CPE: variants seen among roughly 807,000 people sequenced by gnomAD.
The protein encoded by CPE is carboxypeptidase E.
In CPE, 17 loss-of-function variants were observed where a neutral mutation model predicts 53.5. The ratio of observed to expected loss-of-function variants is 0.32; its 90% CI spans 0.22 to 0.48. The LOEUF (loss-of-function observed/expected upper bound fraction) is 0.48, where lower values mean the gene tolerates loss of function less well. CPE is among the 20% of genes least tolerant of loss of function. The probability of loss-of-function intolerance (pLI) is 0.99; values close to 1 mark genes in which losing one functional copy is unlikely to be tolerated. For missense variants in CPE, 524 were observed against 614.7 expected, an observed-to-expected ratio of 0.85 and a Z score of 1.56; for synonymous variants, 226 against 228.8, an observed-to-expected ratio of 0.99 and a Z score of 0.11.
chr4:165,497,360 T>A, intron 8 of CPE, 152 bp from the exon 9 acceptor site: 1 of 412,278 alleles, frequency 2.4e-6, no homozygotes, highest in Non-Finnish European at 4.2e-6. Flanking sequence ...CCTGAAAATA[T>A]CTTTTGTTTA....
intron 1 of CPE, among the ~76,000 whole-genome samples, chr4:165,401,741 G>T (rs550190975): frequency 1.3e-5 from 2 of 152,362 alleles, no homozygotes; most frequent in East Asian, 3.9e-4. Context: ...GAAAGATTGA[G>T]TGATGCCACA....
intron 1 of CPE, among the ~76,000 whole-genome samples, chr4:165,399,195 A>T (rs946200854): frequency 7.2e-5 from 11 of 152,134 alleles, no homozygotes; most frequent in Admixed American, 1.3e-4. Flanking sequence ...TTTACTGAGG[A>T]TGTTTAATAT....
intron 3 of CPE, among the ~76,000 whole-genome samples, chr4:165,468,990 T>C (rs1031793313): frequency 2.0e-5 from 3 of 152,212 alleles, no homozygotes; most frequent in African/African-American, 7.2e-5. Flanking sequence ...TTCAGGTTCT[T>C]CATCTGTAAT....
intron 1 of CPE, among the ~76,000 whole-genome samples, chr4:165,455,272 G>A (rs532175555): frequency 2.6e-5 from 4 of 152,186 alleles, no homozygotes; most frequent in East Asian, 1.9e-4. Flanking sequence ...GTGTCACTTC[G>A]TTTACCTCTG....
At chr4:165,478,151 T>A (rs1183481204) in intron 3 of CPE, among the ~76,000 whole-genome samples, 1 of 152,318 alleles carries the variant, frequency 6.6e-6, no homozygotes, top group Non-Finnish European at 1.5e-5. Flanking sequence ...ACCAAAGACA[T>A]CTAATTATAG....
chr4:165,434,997 T>C (rs76694765), intron 1 of CPE, among the ~76,000 whole-genome samples: 5,975 of 152,210 alleles, frequency 0.039, 387 homozygotes, highest in African/African-American at 0.13. Context: ...TCTCTCACCA[T>C]ATGATCTCTG....
chr4:165,481,016 A>ATATATATATATATATATATATATATAT (rs1491161430), intron 3 of CPE, among the ~76,000 whole-genome samples: 4 of 111,040 alleles, frequency 3.6e-5, no homozygotes, highest in African/African-American at 1.0e-4. Context: ...ATATATATAT[A>ATATATATATATATATATATATATATAT]TTTTTTTTTT....
chr4:165,410,241 TAA>T (rs70955614), intron 1 of CPE, among the ~76,000 whole-genome samples: 22 of 119,648 alleles, frequency 1.8e-4, no homozygotes, highest in Admixed American at 5.4e-4. Flanking sequence ...GGATACTCTG[TAA>T]AAAAAAAAAA....
At chr4:165,398,453 C>T (rs1037247447) in intron 1 of CPE, among the ~76,000 whole-genome samples, 1 of 152,072 alleles carries the variant, frequency 6.6e-6, no homozygotes, top group African/African-American at 2.4e-5. Context: ...CATGTGTATA[C>T]ATATGCATAC....
chr4:165,395,591 T>C (rs924206233), intron 1 of CPE, among the ~76,000 whole-genome samples: 1 of 152,232 alleles, frequency 6.6e-6, no homozygotes, highest in African/African-American at 2.4e-5. Flanking sequence ...GTGAACCACA[T>C]TTCATCTTCT....
intron 1 of CPE, among the ~76,000 whole-genome samples, chr4:165,441,686 G>A (rs28530546): frequency 7.8e-4 from 118 of 152,172 alleles, no homozygotes; most frequent in African/African-American, 2.7e-3. Flanking sequence ...TCAAAATGTT[G>A]AGTTCAACTT....
intron 1 of CPE, among the ~76,000 whole-genome samples, chr4:165,401,902 G>A (rs1428450261): frequency 6.6e-5 from 10 of 152,164 alleles, no homozygotes; most frequent in Admixed American, 6.5e-4. Context: ...TGTGTTTAAA[G>A]TAGGGGTCGG....
At chr4:165,410,943 AC>A (rs1731034110) in intron 1 of CPE, among the ~76,000 whole-genome samples, 1 of 152,160 alleles carries the variant, frequency 6.6e-6, no homozygotes, top group Admixed American at 6.5e-5. Context: ...GTTTCAGGGG[AC>A]GTCAAAGGTA....
intron 1 of CPE, chr4:165,404,816 G>A: frequency 1.3e-6 from 1 of 768,816 alleles, no homozygotes; most frequent in Non-Finnish European, 2.4e-6. Context: ...AGTCTTCTTG[G>A]TTGTGATCAT....
intron 6 of CPE, among the ~76,000 whole-genome samples, chr4:165,491,439 G>A (rs1732602486): frequency 1.3e-5 from 2 of 151,796 alleles, no homozygotes; most frequent in African/African-American, 4.8e-5. Context: ...TTAGAGTTTG[G>A]GTCTCTATAT....
At chr4:165,394,338 A>G (rs532965576) in intron 1 of CPE, among the ~76,000 whole-genome samples, 16 of 152,320 alleles carry the variant, frequency 1.1e-4, no homozygotes, top group Admixed American at 6.5e-4. Flanking sequence ...ACTATACCAC[A>G]GTGCTTCTGT....
intron 3 of CPE, among the ~76,000 whole-genome samples, chr4:165,469,172 G>T (rs1309966221): frequency 1.3e-5 from 2 of 152,052 alleles, no homozygotes; most frequent in African/African-American, 4.8e-5. Context: ...CTAAACATTT[G>T]GTGCATCTTT....
intron 1 of CPE, among the ~76,000 whole-genome samples, chr4:165,433,472 T>G (rs1370919835): frequency 6.6e-6 from 1 of 152,170 alleles, no homozygotes; most frequent in East Asian, 1.9e-4. Flanking sequence ...ATCCTCTGAC[T>G]TCTTTTCCTT....
intron 1 of CPE, among the ~76,000 whole-genome samples, chr4:165,453,681 A>C (rs182219640): frequency 4.6e-5 from 7 of 152,284 alleles, no homozygotes; most frequent in Admixed American, 2.6e-4. Context: ...CACCACACCC[A>C]GCTTCAATTT....
Sources: allele counts gnomAD v4.1 joint callset (sites outside exome capture counted in the v4.1 genomes callset), GRCh38; gene constraint gnomAD v4.1.1; transcripts MANE v1.5; gene names NCBI Gene and HGNC (gene_info 2026-07-23, HGNC 2026-07-21).